The following CPEB2 variants were observed in gnomAD, a reference collection of about 807,000 sequenced individuals.
The protein encoded by CPEB2 is cytoplasmic polyadenylation element-binding protein 2.
Under a neutral mutation model 93.6 loss-of-function variants are expected in CPEB2, and 56 were observed. The ratio of observed to expected loss-of-function variants is 0.60; its 90% CI spans 0.48 to 0.75. The LOEUF is 0.75. Ranked by LOEUF, CPEB2 falls within the 30% of genes least tolerant of loss-of-function variation. The pLI, the probability that CPEB2 is intolerant of heterozygous loss-of-function variation, is 0.00. For missense variants in CPEB2, 1,579 were observed against 1,395.1 expected (o/e 1.13, Z -2.10); for synonymous variants, 764 against 586.3 (o/e 1.30, Z -4.38).
At chr4:15,009,880 C>G (rs1339647592) in intron 3 of CPEB2, among the ~76,000 whole-genome samples, 1 of 152,178 alleles carries the variant, frequency 6.6e-6, no homozygotes, top group Admixed American at 6.5e-5. Flanking sequence ...TTCACACCAG[C>G]CTCCGGGGCT....
chr4:15,062,011 A>G, intron 10 of CPEB2, 68 bp from the exon 11 acceptor site: 2 of 1,387,908 alleles, frequency 1.4e-6, no homozygotes, highest in Non-Finnish European at 2.0e-6. Flanking sequence ...CGTTTTACAA[A>G]AAGTACTTAA....
intron 3 of CPEB2, among the ~76,000 whole-genome samples, chr4:15,012,841 T>G (rs1723666002): frequency 6.6e-6 from 1 of 152,114 alleles, no homozygotes; most frequent in Non-Finnish European, 1.5e-5. Flanking sequence ...TTTTCTATAA[T>G]CTTATTTTTC....
chr4:15,052,538 C>A lies in CPEB2; in HGVS notation c.2325C>A (p.Phe775Leu). The A allele has an allele frequency of 6.4e-7, 1 of 1,574,112 alleles. No individual in the cohort carries two copies. ...AHQNGERIERFSRKVFVGGLP... is the reference protein window; with the variant it reads ...AHQNGERIERLSRKVFVGGLP... Reference sequence around the variant, plus strand: ...AAAATGGAGAGCGAATAGAACGCTTCTCTCGAAAAGTTTTTGTTGGTGGTC... The same window carrying A: ...AAAATGGAGAGCGAATAGAACGCTTATCTCGAAAAGTTTTTGTTGGTGGTC... Residue 775 changes from phenylalanine (F) to leucine (L), a missense_variant, in exon 7 of 12, where the codon TTC (phenylalanine) becomes TTA (leucine). By Grantham distance (22) the Phe-to-Leu change is conservative. This residue lies in a region of CPEB2 where 168 missense variants were observed against 339.1 expected (regional missense o/e 0.50). Transcript: ENST00000538197.
intron 4 of CPEB2, among the ~76,000 whole-genome samples, chr4:15,026,731 G>T (rs1021984031): frequency 5.3e-5 from 8 of 152,114 alleles, no homozygotes; most frequent in African/African-American, 1.4e-4. Context: ...GAACTTTAAA[G>T]AATTCCTGTA....
rs1317667054 is a variant in CPEB2 at position 15,039,277 on chromosome 4, CT to C, written c.2177-1184del. On this transcript the variant is annotated intron_variant, in intron 5 of 11. Transcript: ENST00000538197. Reference sequence around the variant, plus strand: ...AGAGTTGACAAGTTTGTTTTTCCCACTTTATATTAGAGGAACTAGTGTGTTA... The same window carrying C: ...AGAGTTGACAAGTTTGTTTTTCCCACTTATATTAGAGGAACTAGTGTGTTA... Among the ~76,000 whole-genome samples the C allele has an allele frequency of 4.6e-5, 7 of 152,222 alleles. No individual in the cohort carries two copies. The East Asian group carries it at 1.4e-3, about 29-fold the overall frequency.
intron 4 of CPEB2, among the ~76,000 whole-genome samples, chr4:15,018,787 T>C (rs1481053459): frequency 6.6e-6 from 1 of 150,536 alleles, no homozygotes; most frequent in East Asian, 1.9e-4. Flanking sequence ...CAAAAGGCTT[T>C]TTAAACATGT....
chr4:15,060,201 G>A (rs1236227742), intron 10 of CPEB2, among the ~76,000 whole-genome samples: 1 of 152,084 alleles, frequency 6.6e-6, no homozygotes, highest in African/African-American at 2.4e-5. Flanking sequence ...ACTGAAAGAA[G>A]CCCAAAGTGC....
In CPEB2 at chr4:15,061,969, CT is replaced by C. The variant is rs1729228999; in HGVS notation, c.2696-109del. On this transcript the variant is annotated intron_variant, in intron 10 of 11. Transcript: ENST00000538197. ...CAGCCTCTTATCTGCCATTCTACTC[CT>C]GGTCAAATGATAATATACTATTGAC... 1.0e-4 allele frequency: 107 copies of C among 1,026,264 alleles called. No homozygotes were observed. In the South Asian group the frequency reaches 1.7e-3, roughly 16 times the overall value. 63.6% of individuals were successfully genotyped at this position (1,026,264 alleles called of 1,614,324 possible).
intron 9 of CPEB2, among the ~76,000 whole-genome samples, chr4:15,058,873 A>G (rs1043150631): frequency 1.3e-5 from 2 of 152,144 alleles, no homozygotes; most frequent in Non-Finnish European, 1.5e-5. Context: ...CGAGTGATCT[A>G]GGTTGCATGT....
chr4:15,004,706 C>T (rs1043384499), intron 1 of CPEB2, among the ~76,000 whole-genome samples: 30 of 151,836 alleles, frequency 2.0e-4, no homozygotes, highest in African/African-American at 7.2e-4. Context: ...GCCCTCCTAG[C>T]TGGCGCACCC....
chr4:15,016,949 T>C (rs949672207), intron 3 of CPEB2, among the ~76,000 whole-genome samples: 1 of 151,948 alleles, frequency 6.6e-6, no homozygotes, highest in Non-Finnish European at 1.5e-5. Flanking sequence ...GTATTGCCAG[T>C]AAAATTAGAT....
At position 15,004,279 on chromosome 4, in the gene CPEB2, C is replaced by A; in HGVS notation, c.1606C>A (p.His536Asn). Residue 536 changes from histidine (H) to asparagine (N), a missense_variant, in exon 1 of 12, where the codon CAC becomes AAC. Coordinates refer to ENST00000538197, the MANE Select transcript of CPEB2 (RefSeq NM_001177382.2). Reference sequence around the variant, plus strand: ...CGTCAGCCCGCAGCTCCAGCAGCAGCACCAGGCGGCGGCCGCCGCCTTCCT... The same window carrying A: ...CGTCAGCCCGCAGCTCCAGCAGCAGAACCAGGCGGCGGCCGCCGCCTTCCT... ...SPVSPQLQQQ[H>N]QAAAAAFLQQ... 6.7e-7 allele frequency: 1 copy of A among 1,495,070 alleles called. No homozygotes were observed. Among genetic ancestry groups the A allele is most frequent in the Non-Finnish European group, 8.8e-7 (1 of 1,130,102 alleles). 92.6% of individuals were successfully genotyped at this position (1,495,070 alleles called of 1,614,324 possible).
At chr4:15,060,890 G>A (rs1034678861) in intron 10 of CPEB2, among the ~76,000 whole-genome samples, 3 of 152,142 alleles carry the variant, frequency 2.0e-5, no homozygotes, top group Non-Finnish European at 4.4e-5. Flanking sequence ...AGTGATGGAG[G>A]TGAGGCAATT....
At chr4:15,014,094 A>AT (rs1418831223) in intron 3 of CPEB2, among the ~76,000 whole-genome samples, 2 of 152,074 alleles carry the variant, frequency 1.3e-5, no homozygotes, top group African/African-American at 4.8e-5. Flanking sequence ...TTACCATGCT[A>AT]TAGAGCAAGA....
At chr4:15,028,162 G>C (rs948646691) in intron 4 of CPEB2, among the ~76,000 whole-genome samples, 4 of 152,068 alleles carry the variant, frequency 2.6e-5, no homozygotes, top group African/African-American at 9.7e-5. Context: ...GAATATTAGG[G>C]CTTTGGAGTT....
At chr4:15,062,564 A>C (rs1729293384) in intron 11 of CPEB2, among the ~76,000 whole-genome samples, 1 of 152,066 alleles carries the variant, frequency 6.6e-6, no homozygotes, top group African/African-American at 2.4e-5. Context: ...CATTGGAGTC[A>C]GACTGCCTGG....
rs1234474098 is a variant in CPEB2, at chr4:15,002,884, G to A, written c.211G>A (p.Gly71Ser). 1 of 1,516,614 alleles carries A rather than the reference G, an allele frequency of 6.6e-7. No individual in the cohort carries two copies. Among genetic ancestry groups the A allele is most frequent in the Non-Finnish European group, 8.8e-7 (1 of 1,141,794 alleles). 93.9% of individuals were successfully genotyped at this position (1,516,614 alleles called of 1,614,324 possible). A position where few individuals can be genotyped will look rare whatever the true frequency, so the allele number is the denominator to read the frequency against. ...CTCCCCCTTCTCCGTCCCCCTCGGC[G>A]GCGGCGCGGGCAGCCCGGCCGCCGC... ...AASPFSVPLGGGAGSPAAAAS... is the reference protein window; with the variant it reads ...AASPFSVPLGSGAGSPAAAAS... The change falls in exon 1 of 12, where the codon GGC becomes AGC. Residue 71 changes from glycine (G) to serine (S), a missense_variant. Coordinates refer to ENST00000538197, the MANE Select transcript of CPEB2 (RefSeq NM_001177382.2).
At chr4:15,049,447 AT>A (rs34650608) in intron 6 of CPEB2, among the ~76,000 whole-genome samples, 3 of 151,650 alleles carry the variant, frequency 2.0e-5, no homozygotes, top group African/African-American at 7.3e-5. Flanking sequence ...TGGATTTGTG[AT>A]TTTTTTCCTT....
intron 3 of CPEB2, among the ~76,000 whole-genome samples, chr4:15,013,019 C>T (rs1237465608): frequency 1.3e-5 from 2 of 151,924 alleles, no homozygotes; most frequent in Non-Finnish European, 2.9e-5. Context: ...TAATATTGTA[C>T]ACTGACCTCC....
Sources: gnomAD v4.1 joint callset for allele counts (sites outside exome capture counted in the v4.1 genomes callset) on GRCh38, gnomAD v4.1.1 for gene constraint, gnomAD v4.1.1 regional missense constraint, MANE v1.5 for transcripts, NCBI Gene and HGNC (gene_info 2026-07-23, HGNC 2026-07-21) for gene names.